ZC3H18: variants seen among roughly 807,000 people sequenced by gnomAD.
ZC3H18 encodes zinc finger CCCH-type containing 18, also known as zinc finger CCCH domain-containing protein 18.
In ZC3H18, 8 loss-of-function variants were observed where a neutral mutation model predicts 106.1. That is an observed-to-expected ratio of 0.08 (90% CI 0.04 to 0.14). ZC3H18 has a LOEUF of 0.14. Ranked by LOEUF, ZC3H18 falls within the 10% of genes least tolerant of loss-of-function variation. The pLI, the probability that ZC3H18 is intolerant of heterozygous loss-of-function variation, is 1.00. For synonymous variants in ZC3H18, 635 were observed against 522.1 expected (o/e 1.22, Z -2.95); for missense variants, 1,318 against 1,278.4 (o/e 1.03, Z -0.47).
rs376093096 is a variant in ZC3H18, at chr16:88,628,806, A to T, written c.2518A>T (p.Arg840Trp). The change falls in exon 16 of 18, where the codon AGG (arginine) becomes TGG (tryptophan). Residue 840 changes from arginine to tryptophan, a missense_variant. Transcript: ENST00000301011. Reference protein sequence around the residue: ...RKRYEPSDKDRQSPPPAKRPN... With the variant: ...RKRYEPSDKDWQSPPPAKRPN... ...GCGCTATGAACCATCAGACAAGGAC[A>T]GGCAGAGCCCTCCTCCAGCCAAGCG... The T allele has an allele frequency of 6.3e-5, 101 of 1,614,038 alleles. No individual in the cohort carries two copies. Among genetic ancestry groups the T allele is most frequent in the Non-Finnish European group, 8.6e-5 (101 of 1,180,014 alleles).
chr16:88,609,465 T>A (rs1339065564), intron 7 of ZC3H18, among the ~76,000 whole-genome samples: 1 of 151,806 alleles, frequency 6.6e-6, no homozygotes, highest in Non-Finnish European at 1.5e-5. Context: ...GCCCAGCTAA[T>A]TTTTTTGTAT....
intron 3 of ZC3H18, among the ~76,000 whole-genome samples, chr16:88,589,297 C>A (rs1479778372): frequency 2.0e-5 from 3 of 152,238 alleles, no homozygotes; most frequent in Non-Finnish European, 4.4e-5. Flanking sequence ...TATGACCCAG[C>A]AGTTCCACTG....
chr16:88,592,854 T>C (rs1018290902), intron 3 of ZC3H18, among the ~76,000 whole-genome samples: 1 of 152,092 alleles, frequency 6.6e-6, no homozygotes, highest in East Asian at 1.9e-4. Flanking sequence ...TGTAATTTAA[T>C]TAAATCTTAC....
chr16:88,591,501 G>A (rs952070920), intron 3 of ZC3H18, among the ~76,000 whole-genome samples: 1 of 152,088 alleles, frequency 6.6e-6, no homozygotes, highest in Non-Finnish European at 1.5e-5. Context: ...GAACCCAGTA[G>A]GTGGAGGTTG....
chr16:88,584,220 A>G (rs1273931490), intron 2 of ZC3H18, among the ~76,000 whole-genome samples: 2 of 152,108 alleles, frequency 1.3e-5, no homozygotes, highest in East Asian at 3.9e-4. Context: ...TCAGGAGTTC[A>G]AGACCAGCCT....
At chr16:88,607,457 G>T (rs992275063) in intron 6 of ZC3H18, among the ~76,000 whole-genome samples, 5 of 152,248 alleles carry the variant, frequency 3.3e-5, no homozygotes, top group South Asian at 2.1e-4. Flanking sequence ...TTATCAGTCA[G>T]TGTAGGAAGG....
chr16:88,595,777 G>C (rs1162988642), intron 3 of ZC3H18, among the ~76,000 whole-genome samples: 2 of 148,016 alleles, frequency 1.4e-5, no homozygotes, highest in African/African-American at 5.0e-5. Flanking sequence ...CTGCACTCCA[G>C]CCTGGGCAAC....
rs564416662 is a variant in ZC3H18, at chr16:88,609,775, A to G, written c.1206+724A>G. ...CCATCACACCTGGCTAATTTTTTGT[A>G]TTTTTAGTAGAGACAGGGTTTTGCC... On this transcript the variant is annotated intron_variant, in intron 7 of 17. Coordinates refer to ENST00000301011, the MANE Select transcript of ZC3H18 (RefSeq NM_144604.4). Among the ~76,000 whole-genome samples, 4 of 147,870 alleles carry G rather than the reference A, an allele frequency of 2.7e-5. No individual in the cohort carries two copies. In the Admixed American group the frequency reaches 2.8e-4, roughly 10 times the overall value.
At chr16:88,616,930 C>G (rs1038289659) in intron 8 of ZC3H18, among the ~76,000 whole-genome samples, 1 of 152,130 alleles carries the variant, frequency 6.6e-6, no homozygotes, top group Admixed American at 6.5e-5. Context: ...GGCCCAGGCT[C>G]GTTATAGCAG....
rs962480837 is a variant in ZC3H18, at chr16:88,627,523, C to T, written c.2109-99C>T. Reference sequence around the variant, plus strand: ...TCACACATTCCGTGGGTACATGATCCATAAATGGACACTGCGTAAAAGTGG... The same window carrying T: ...TCACACATTCCGTGGGTACATGATCTATAAATGGACACTGCGTAAAAGTGG... On this transcript the variant is annotated intron_variant, in intron 13 of 17. Transcript: ENST00000301011. This position sits in a 1 kb window ranked among gnomAD's most constrained non-coding sequence, Gnocchi z 4.5. The T allele has an allele frequency of 6.1e-6, 9 of 1,468,776 alleles. No homozygotes were observed. Among genetic ancestry groups the T allele is most frequent in the South Asian group, 2.7e-5 (2 of 73,084 alleles). The allele number at this position is 1,468,776 out of a possible 1,614,324, so 91.0% of individuals were successfully genotyped here. A position where few individuals can be genotyped will look rare whatever the true frequency, so the allele number is the denominator to read the frequency against.
At chr16:88,604,859 G>A (rs1196168883) in intron 6 of ZC3H18, among the ~76,000 whole-genome samples, 2 of 152,130 alleles carry the variant, frequency 1.3e-5, no homozygotes, top group Non-Finnish European at 2.9e-5. Flanking sequence ...CGTGAACAGA[G>A]TTTCTGATTA....
chr16:88,599,975 C>T (rs747071783), intron 6 of ZC3H18, 27 bp downstream of exon 6: 9 of 1,610,706 alleles, frequency 5.6e-6, no homozygotes, highest in Non-Finnish European at 7.6e-6. Context: ...CCTGCCCCTC[C>T]GTTTCCTTCC....
intron 3 of ZC3H18, among the ~76,000 whole-genome samples, chr16:88,596,843 A>G (rs116175308): frequency 0.012 from 1,789 of 152,336 alleles, 46 homozygotes; most frequent in African/African-American, 0.041. Flanking sequence ...GGATGACTGC[A>G]TAGTCAGTTT....
chr16:88,606,578 A>C (rs575834864), intron 6 of ZC3H18, among the ~76,000 whole-genome samples: 1 of 152,198 alleles, frequency 6.6e-6, no homozygotes, highest in Admixed American at 6.5e-5. Context: ...GCCTCAGCCC[A>C]CCGAGTAGTT....
At chr16:88,578,837 C>T (rs1199471866) in intron 2 of ZC3H18, among the ~76,000 whole-genome samples, 1 of 152,150 alleles carries the variant, frequency 6.6e-6, no homozygotes, top group Non-Finnish European at 1.5e-5. Flanking sequence ...ATTACAGGCG[C>T]CCGCCACCAC....
chr16:88,622,487 A>G, intron 9 of ZC3H18, 99 bp downstream of exon 9: 4 of 1,358,750 alleles, frequency 2.9e-6, no homozygotes, highest in Non-Finnish European at 3.9e-6. Flanking sequence ...CCCCAGCCCC[A>G]CTGTTTGCTG....
chr16:88,610,523 G>A (rs749582084), intron 7 of ZC3H18, among the ~76,000 whole-genome samples: 32 of 152,246 alleles, frequency 2.1e-4, no homozygotes, highest in Non-Finnish European at 3.4e-4. Flanking sequence ...CCTTTCCACT[G>A]CGTTCCTCTC....
rs1384878250 is a variant in ZC3H18, at chr16:88,622,263, G to A, written c.1542G>A (p.Glu514=). The stretch of plus-strand genomic sequence containing the variant: ...GGCCGCAGGTGAAGAGAGCAGATGA[G>A]TGGAAGGACCCTTGGCGCCGATCCA... The part of the protein sequence containing the change: ...TTGPQVKRAD[E]WKDPWRRSKS... Residue 514 remains glutamate (E), a synonymous_variant, in exon 9 of 18, where the codon GAG becomes GAA. Coordinates refer to ENST00000301011, the MANE Select transcript of ZC3H18 (RefSeq NM_144604.4). 6.2e-7 allele frequency: 1 copy of A among 1,614,080 alleles called. No individual in the cohort carries two copies. The highest frequency in any genetic ancestry group is 1.7e-5 in the Admixed American group (1 of 60,006).
chr16:88,594,550 T>C (rs771197952), intron 3 of ZC3H18, among the ~76,000 whole-genome samples: 3 of 152,180 alleles, frequency 2.0e-5, no homozygotes, highest in Non-Finnish European at 2.9e-5. Context: ...CCAGTTTGGG[T>C]TGGTTGCTAC....
Sources: gnomAD v4.1 joint callset for allele counts (sites outside exome capture counted in the v4.1 genomes callset) on GRCh38, gnomAD v4.1.1 for gene constraint, Gnocchi (gnomAD v3.1) non-coding constraint, MANE v1.5 for transcripts, NCBI Gene and HGNC (gene_info 2026-07-23, HGNC 2026-07-21) for gene names.